ASTN2: variants seen among roughly 807,000 people sequenced by gnomAD.
ASTN2 encodes astrotactin 2, also known as astrotactin-2.
In ASTN2, 54 loss-of-function variants were observed where a neutral mutation model predicts 139.8. The ratio of observed to expected loss-of-function variants is 0.39; its 90% CI spans 0.31 to 0.48. The LOEUF (loss-of-function observed/expected upper bound fraction) is 0.48, where lower values mean the gene tolerates loss of function less well. Among genes scored for constraint, ASTN2 ranks in the 20% least tolerant of loss-of-function variants. ASTN2 has a pLI of 0.95. For missense variants in ASTN2, 1,565 were observed against 1,725.1 expected, an observed-to-expected ratio of 0.91 and a Z score of 1.64; for synonymous variants, 756 against 719.5, an observed-to-expected ratio of 1.05 and a Z score of -0.81.
chr9:117,069,394 TC>T (rs1828045142), intron 5 of ASTN2, among the ~76,000 whole-genome samples: 1 of 111,206 alleles, frequency 9.0e-6, no homozygotes, highest in Non-Finnish European at 1.8e-5. Context: ...TAATTTCTGT[TC>T]TTTTACATTT....
chr9:116,651,142 C>G (rs988027453), intron 17 of ASTN2, among the ~76,000 whole-genome samples: 1 of 151,992 alleles, frequency 6.6e-6, no homozygotes, highest in Non-Finnish European at 1.5e-5. Flanking sequence ...CTCTCAAACT[C>G]CTGACCTCAG....
intron 1 of ASTN2, among the ~76,000 whole-genome samples, chr9:117,366,514 T>G (rs1829847594): frequency 6.6e-6 from 1 of 151,732 alleles, no homozygotes; most frequent in Non-Finnish European, 1.5e-5. Context: ...TTTAAATCTT[T>G]TCATTCCCTG....
At chr9:116,953,582 A>G (rs1312221374) in intron 10 of ASTN2, among the ~76,000 whole-genome samples, 1 of 152,204 alleles carries the variant, frequency 6.6e-6, no homozygotes, top group Non-Finnish European at 1.5e-5. Context: ...TCCAACAAGA[A>G]TGCTGACAGG....
At chr9:117,163,693 A>G (rs1830603836) in intron 3 of ASTN2, among the ~76,000 whole-genome samples, 1 of 152,108 alleles carries the variant, frequency 6.6e-6, no homozygotes, top group Admixed American at 6.6e-5. Flanking sequence ...CCATGAGACA[A>G]TCGATATATA....
chr9:117,156,731 G>C (rs1364290753), intron 3 of ASTN2, among the ~76,000 whole-genome samples: 2 of 152,020 alleles, frequency 1.3e-5, no homozygotes, highest in Non-Finnish European at 2.9e-5. Flanking sequence ...TAAAGCATTT[G>C]ATAAACGTGA....
intron 19 of ASTN2, among the ~76,000 whole-genome samples, chr9:116,570,351 A>G (rs1853447491): frequency 6.6e-6 from 1 of 151,516 alleles, no homozygotes; most frequent in Non-Finnish European, 1.5e-5. Context: ...TTATATCTCT[A>G]TCACCTATTG....
Position 116,698,405 on chromosome 9 carries a change from A to C in ASTN2, c.2806+27366T>G, listed in dbSNP as rs897876140. The C allele has an allele frequency of 1.2e-6, 2 of 1,614,020 alleles. No homozygotes were observed. The highest frequency in any genetic ancestry group is 2.7e-5 in the African/African-American group (2 of 74,934). ...TTGAGAAGTCCAATAGTCAAGTGGT[A>C]GAGGAGCAGAGTTACCTGCTTAACA... On this transcript the variant is annotated intron_variant, in intron 16 of 22. Transcript: ENST00000313400. This position sits in a 1 kb window ranked among gnomAD's most constrained non-coding sequence, Gnocchi z 4.4.
In ASTN2 at chr9:117,367,509, G is replaced by GGT. The variant is rs373313445; in HGVS notation, c.442+46986_442+46987dup. On this transcript the variant is annotated intron_variant, in intron 1 of 22. Coordinates refer to ENST00000313400, the MANE Select transcript of ASTN2 (RefSeq NM_001365068.1). ...CTCTGGGGGTCATGGTAAAGAGAAG[G>GGT]GTGTGTGTGTGTGTGAAGCTTTTGC... 1.2e-3 allele frequency among the ~76,000 whole-genome samples: 188 copies of GGT among 151,796 alleles called. 1 individual carries two copies. The highest frequency in any genetic ancestry group is 7.8e-4 in the Non-Finnish European group (53 of 67,886).
intron 2 of ASTN2, among the ~76,000 whole-genome samples, chr9:117,220,293 C>T (rs1380883067): frequency 6.6e-6 from 1 of 151,996 alleles, no homozygotes; most frequent in Admixed American, 6.6e-5. Flanking sequence ...CTGCTCATTC[C>T]CCAGCTCCCC....
At chr9:117,060,340 A>C (rs188547154) in intron 5 of ASTN2, among the ~76,000 whole-genome samples, 1 of 74,226 alleles carries the variant, frequency 1.3e-5, no homozygotes, top group Admixed American at 1.6e-4. Flanking sequence ...GAAAGAAAGA[A>C]AGAGAGAAAG....
chr9:116,473,299 T>C (rs938071041), intron 20 of ASTN2, among the ~76,000 whole-genome samples: 3 of 152,224 alleles, frequency 2.0e-5, no homozygotes, highest in African/African-American at 7.2e-5. Context: ...ATGTTATGGA[T>C]TTACAGGTAA....
chr9:117,233,716 G>A (rs1832963821), intron 2 of ASTN2, among the ~76,000 whole-genome samples: 1 of 151,962 alleles, frequency 6.6e-6, no homozygotes, highest in South Asian at 2.1e-4. Context: ...CAAAGGAATT[G>A]CACTTATGGC....
intron 17 of ASTN2, among the ~76,000 whole-genome samples, chr9:116,645,196 ACT>A (rs1857527916): frequency 1.3e-5 from 2 of 152,080 alleles, no homozygotes; most frequent in Admixed American, 1.3e-4. Flanking sequence ...CACTTGGAAG[ACT>A]CTCTTTCACC....
intron 19 of ASTN2, among the ~76,000 whole-genome samples, chr9:116,493,351 C>G (rs1433149859): frequency 3.3e-5 from 5 of 152,142 alleles, no homozygotes; most frequent in African/African-American, 1.2e-4. Context: ...TCCTGTTTTT[C>G]TTTCCTTGAA....
chr9:116,437,241 G>T (rs1847685391), intron 22 of ASTN2: 1 of 466,370 alleles, frequency 2.1e-6, no homozygotes, highest in Non-Finnish European at 4.4e-6. Flanking sequence ...TCCTTATCAT[G>T]TTATAGGTGA....
At chr9:117,320,327 T>C (rs985310946) in intron 1 of ASTN2, among the ~76,000 whole-genome samples, 3 of 152,226 alleles carry the variant, frequency 2.0e-5, no homozygotes, top group South Asian at 2.1e-4. Context: ...ATTCTGCATT[T>C]ATTCAGCTTC....
In ASTN2 at chr9:116,706,610, C is replaced by T. The variant is rs1827993407; in HGVS notation, c.2806+19161G>A. On this transcript the variant is annotated intron_variant, in intron 16 of 22. Transcript: ENST00000313400. ...TCCTAATGTAACATCAGTCCTAACA[C>T]CTAAACCAAGTTTTGGGTAAGGGGT... Among the ~76,000 whole-genome samples the T allele has an allele frequency of 3.9e-5, 6 of 152,032 alleles. No homozygotes were observed. The South Asian group carries it at 1.2e-3, about 32-fold the overall frequency.
chr9:116,874,111 C>T (rs1291558625), intron 10 of ASTN2, among the ~76,000 whole-genome samples: 1 of 152,194 alleles, frequency 6.6e-6, no homozygotes, highest in East Asian at 1.9e-4. Context: ...GGCAGTGAGT[C>T]CTAGTGACAG....
chr9:116,869,931 C>T (rs1405077648), intron 10 of ASTN2, among the ~76,000 whole-genome samples: 4 of 147,738 alleles, frequency 2.7e-5, no homozygotes, highest in Non-Finnish European at 4.5e-5. Context: ...GAGTGGGATC[C>T]CATTTCTATA....
Sources: gnomAD v4.1 joint callset for allele counts (sites outside exome capture counted in the v4.1 genomes callset) on GRCh38, gnomAD v4.1.1 for gene constraint, Gnocchi (gnomAD v3.1) non-coding constraint, MANE v1.5 for transcripts, NCBI Gene and HGNC (gene_info 2026-07-23, HGNC 2026-07-21) for gene names.